The following RGS6 variants were observed in gnomAD, a reference collection of about 807,000 sequenced individuals.
RGS6 encodes regulator of G-protein signaling 6.
Under a neutral mutation model 78.5 loss-of-function variants are expected in RGS6, and 30 were observed. The observed-to-expected ratio is 0.38, with a 90% CI of 0.29 to 0.52. The LOEUF (loss-of-function observed/expected upper bound fraction) is 0.52, where lower values mean the gene tolerates loss of function less well. Among genes scored for constraint, RGS6 ranks in the 20% least tolerant of loss-of-function variants. The probability of loss-of-function intolerance (pLI) is 0.85; values close to 1 mark genes in which losing one functional copy is unlikely to be tolerated. For missense variants in RGS6, 495 were observed against 609.7 expected (o/e 0.81, Z 1.98); for synonymous variants, 206 against 206.0 (o/e 1.00, Z 0.00).
intron 17 of RGS6, among the ~76,000 whole-genome samples, chr14:72,546,178 A>G (rs1406233327): frequency 1.3e-5 from 2 of 152,334 alleles, no homozygotes; most frequent in Admixed American, 1.3e-4. Context: ...CCTGTTTACA[A>G]TCAGTGGTGA....
At chr14:71,875,712 C>T in the RGS6 span, among the ~76,000 whole-genome samples, 9 of 151,946 alleles carry the variant, frequency 5.9e-5, no homozygotes, top group African/African-American at 1.7e-4. Flanking sequence ...GCTCTTGCTT[C>T]TCTAGTTCTT....
At chr14:72,309,256 A>C (rs552838147) in intron 2 of RGS6, among the ~76,000 whole-genome samples, 1 of 152,292 alleles carries the variant, frequency 6.6e-6, no homozygotes, top group South Asian at 2.1e-4. Flanking sequence ...AGGGCAGTGG[A>C]TGTGAGAGCT....
chr14:72,504,953 T>C (rs2096780317), intron 13 of RGS6, among the ~76,000 whole-genome samples: 2 of 138,212 alleles, frequency 1.4e-5, no homozygotes, highest in South Asian at 4.7e-4. Flanking sequence ...TTTTTTTGTA[T>C]TTTTAGTAGA....
At chr14:72,382,513 C>G (rs554856684) in intron 3 of RGS6, among the ~76,000 whole-genome samples, 1 of 152,256 alleles carries the variant, frequency 6.6e-6, no homozygotes, top group African/African-American at 2.4e-5. Context: ...CATTCGCAAA[C>G]CACATTGGAA....
the RGS6 span, among the ~76,000 whole-genome samples, chr14:71,880,830 A>G: frequency 6.6e-6 from 1 of 152,224 alleles, no homozygotes; most frequent in Non-Finnish European, 1.5e-5. Flanking sequence ...GGTGTTGCCT[A>G]GTGGAGCTGT....
intron 2 of RGS6, among the ~76,000 whole-genome samples, chr14:72,244,111 C>G (rs117728115): frequency 0.014 from 2,206 of 152,278 alleles, 30 homozygotes; most frequent in Non-Finnish European, 0.021. Flanking sequence ...TCTGAATGCT[C>G]TGTTCACTCC....
intron 2 of RGS6, among the ~76,000 whole-genome samples, chr14:72,304,853 C>G (rs1326364353): frequency 6.6e-6 from 1 of 151,656 alleles, no homozygotes; most frequent in African/African-American, 2.4e-5. Flanking sequence ...GCACTCCAGG[C>G]TGGGCACAGA....
chr14:72,368,609 C>G (rs899598298), intron 3 of RGS6, among the ~76,000 whole-genome samples: 1 of 152,208 alleles, frequency 6.6e-6, no homozygotes, highest in African/African-American at 2.4e-5. Flanking sequence ...TTCCCTGCCT[C>G]CCTCTTGCTT....
intron 2 of RGS6, among the ~76,000 whole-genome samples, chr14:72,083,601 G>T (rs532680160): frequency 2.6e-5 from 4 of 152,156 alleles, no homozygotes; most frequent in Non-Finnish European, 4.4e-5. Context: ...GATGGAGCTG[G>T]TCTTCTGAGC....
Position 72,518,326 on chromosome 14 carries a change from G to T in RGS6, c.1092-25G>T, listed in dbSNP as rs746053522. The T allele has an allele frequency of 2.5e-6, 4 of 1,608,016 alleles. No individual in the cohort carries two copies. The South Asian group carries it at 4.4e-5, about 18-fold the overall frequency. On this transcript the variant is annotated intron_variant, in intron 14 of 17. Transcript: ENST00000553525. ...TCCCGATGCTGAGCCCCCTGGAACT[G>T]ACTGTGTTTCTGCTCCCACTTCAGG...
At chr14:71,946,424 C>A (rs1566885485) in intron 1 of RGS6, among the ~76,000 whole-genome samples, 2 of 152,114 alleles carry the variant, frequency 1.3e-5, no homozygotes, top group Admixed American at 1.3e-4. Flanking sequence ...CTGCTCCTCC[C>A]CACTCCTTGT....
chr14:72,541,269 T>C, intron 17 of RGS6: 1 of 1,450,996 alleles, frequency 6.9e-7, no homozygotes, highest in Non-Finnish European at 9.2e-7. Flanking sequence ...TAAGAAAAAG[T>C]CTAAGGCTCC....
chr14:72,548,601 C>T (rs964257243), intron 17 of RGS6, among the ~76,000 whole-genome samples: 7 of 152,050 alleles, frequency 4.6e-5, no homozygotes, highest in Non-Finnish European at 1.0e-4. Context: ...TGGTTCTAAG[C>T]CCCCACATTA....
intron 2 of RGS6, among the ~76,000 whole-genome samples, chr14:71,983,748 C>G (rs2094562410): frequency 1.3e-5 from 2 of 152,160 alleles, no homozygotes; most frequent in Admixed American, 1.3e-4. Flanking sequence ...TGATTGTGAC[C>G]TCATCTTAAT....
At chr14:71,937,969 G>A (rs145137266) in intron 1 of RGS6, among the ~76,000 whole-genome samples, 239 of 152,322 alleles carry the variant, frequency 1.6e-3, no homozygotes, top group Middle Eastern at 0.01. Flanking sequence ...GGTCAGCCTT[G>A]GTGAGTGGAA....
chr14:72,179,995 C>T, intron 2 of RGS6, among the ~76,000 whole-genome samples: 1 of 152,224 alleles, frequency 6.6e-6, no homozygotes. Flanking sequence ...GGGTCAGGTG[C>T]TTTCTGTGTT....
chr14:72,234,973 C>A (rs847301), intron 2 of RGS6, among the ~76,000 whole-genome samples: 133,602 of 152,182 alleles, frequency 0.88, 59,467 homozygotes, highest in Non-Finnish European at 0.94. Flanking sequence ...ACCTCAGAGA[C>A]GATATTCTTG....
chr14:72,149,811 A>G (rs1205623173), intron 2 of RGS6, among the ~76,000 whole-genome samples: 8 of 152,298 alleles, frequency 5.3e-5, no homozygotes, highest in African/African-American at 1.7e-4. Flanking sequence ...ACATATTCAA[A>G]TGTCTTTAGT....
At chr14:72,519,104 A>G (rs2096994177) in intron 15 of RGS6, among the ~76,000 whole-genome samples, 1 of 152,242 alleles carries the variant, frequency 6.6e-6, no homozygotes, top group Admixed American at 6.5e-5. Context: ...GGCAACTTCA[A>G]CAGTGTGAAA....
Sources: allele counts gnomAD v4.1 joint callset (sites outside exome capture counted in the v4.1 genomes callset), GRCh38; gene constraint gnomAD v4.1.1; transcripts MANE v1.5; gene names NCBI Gene and HGNC (gene_info 2026-07-23, HGNC 2026-07-21).